The following TRIO variants were observed in gnomAD, a reference collection of about 807,000 sequenced individuals.
TRIO encodes trio Rho guanine nucleotide exchange factor, also known as triple functional domain protein.
TRIO carries 58 observed loss-of-function variants against 351.9 expected under a neutral mutation model. That is an observed-to-expected ratio of 0.16 (90% CI 0.13 to 0.21). The LOEUF (loss-of-function observed/expected upper bound fraction) is 0.21. TRIO is among the 10% of genes least tolerant of loss of function. TRIO has a pLI of 1.00. For synonymous variants in TRIO, 1,758 were observed against 1,595.7 expected (o/e 1.10, Z -2.42); for missense variants, 3,201 against 4,027.8 (o/e 0.79, Z 5.56).
At chr5:14,321,509 T>A (rs1739881605) in intron 9 of TRIO, among the ~76,000 whole-genome samples, 1 of 152,242 alleles carries the variant, frequency 6.6e-6, no homozygotes, top group Non-Finnish European at 1.5e-5. Context: ...GTATGTGTCT[T>A]TCCTCTCTGC....
chr5:14,150,483 G>T (rs1033270420), intron 1 of TRIO, among the ~76,000 whole-genome samples: 1 of 151,940 alleles, frequency 6.6e-6, no homozygotes, highest in South Asian at 2.1e-4. Context: ...ATTAAAAAAA[G>T]GCCAATAATA....
At chr5:14,362,386 C>G (rs1325814592) in intron 13 of TRIO, among the ~76,000 whole-genome samples, 1 of 152,172 alleles carries the variant, frequency 6.6e-6, no homozygotes, top group African/African-American at 2.4e-5. Flanking sequence ...TCATCGACTC[C>G]CAGCGTGTTC....
In TRIO at chr5:14,488,925, G is replaced by GT. The variant is rs558980737; in HGVS notation, c.7632+668dup. The GT allele has an allele frequency of 2.2e-4, 164 of 762,410 alleles. 1 individual carries two copies. In the African/African-American group the frequency reaches 2.4e-3, roughly 11 times the overall value. The allele number at this position is 762,410 out of a possible 1,614,324, so 47.2% of individuals were successfully genotyped here. A position where few individuals can be genotyped will look rare whatever the true frequency, so the allele number is the denominator to read the frequency against. On this transcript the variant is annotated intron_variant, in intron 48 of 56. Coordinates refer to ENST00000344204, the MANE Select transcript of TRIO (RefSeq NM_007118.4). The stretch of plus-strand genomic sequence containing the variant: ...CTGCGGCCTGCTGGGCTCTGGCCTC[G>GT]TTTGGCCCATCACTCATGCTGCCGT...
chr5:14,312,549 G>A (rs1739020940), intron 8 of TRIO, among the ~76,000 whole-genome samples: 2 of 152,108 alleles, frequency 1.3e-5, no homozygotes, highest in Non-Finnish European at 1.5e-5. Flanking sequence ...TGATCTGATC[G>A]GTTCAAAAAT....
At chr5:14,436,815 A>G (rs1751625995) in intron 34 of TRIO, among the ~76,000 whole-genome samples, 1 of 152,204 alleles carries the variant, frequency 6.6e-6, no homozygotes, top group Non-Finnish European at 1.5e-5. Context: ...GTGGGTTCCC[A>G]TGGTCTTGGA....
intron 1 of TRIO, among the ~76,000 whole-genome samples, chr5:14,265,911 C>T (rs549846775): frequency 6.6e-6 from 1 of 152,190 alleles, no homozygotes; most frequent in Admixed American, 6.5e-5. Context: ...GGCTAAACTA[C>T]CTAACATTTC....
At chr5:14,179,604 GT>G in intron 1 of TRIO, among the ~76,000 whole-genome samples, 1 of 144,182 alleles carries the variant, frequency 6.9e-6, no homozygotes, top group African/African-American at 2.8e-5. Context: ...GCCCAGCTCA[GT>G]TTTTGATTTT....
At chr5:14,277,061 T>C (rs1294894783) in intron 2 of TRIO, among the ~76,000 whole-genome samples, 1 of 152,180 alleles carries the variant, frequency 6.6e-6, no homozygotes, top group African/African-American at 2.4e-5. Flanking sequence ...TAATGTTGTG[T>C]GGAATATGGA....
rs142762511 is a variant in TRIO, at chr5:14,167,730, C to T, written c.157+23848C>T. ...TGTGAGTCAGAGGCTGGGCAAGGGC[C>T]TCTAAGGAGCTCTTGGTGCCCTTGA... On this transcript the variant is annotated intron_variant, in intron 1 of 56. Transcript: ENST00000344204. 1.6e-3 allele frequency among the ~76,000 whole-genome samples: 246 copies of T among 152,166 alleles called. 1 individual carries two copies. The highest frequency in any genetic ancestry group is 5.8e-3 in the African/African-American group (240 of 41,512).
intron 15 of TRIO, among the ~76,000 whole-genome samples, chr5:14,365,580 T>C (rs1186626072): frequency 6.6e-6 from 1 of 152,240 alleles, no homozygotes; most frequent in Non-Finnish European, 1.5e-5. Flanking sequence ...TAAATAAGTG[T>C]TGTGACCTGC....
Position 14,345,099 on chromosome 5 carries a change from A to G in TRIO, c.2046+8372A>G, listed in dbSNP as rs147201014. Among the ~76,000 whole-genome samples the G allele has an allele frequency of 2.6e-3, 390 of 152,302 alleles. 2 individuals carry two copies. The highest frequency in any genetic ancestry group is 8.3e-3 in the South Asian group (40 of 4,828). On this transcript the variant is annotated intron_variant, in intron 11 of 56. Coordinates refer to ENST00000344204, the MANE Select transcript of TRIO (RefSeq NM_007118.4). Reference sequence around the variant, plus strand: ...AGTCCTTTTATCAGAATAACTTAAAACGCTACATTTTTTTTCTGTAAGATG... The same window carrying G: ...AGTCCTTTTATCAGAATAACTTAAAGCGCTACATTTTTTTTCTGTAAGATG...
chr5:14,260,415 G>A (rs1237622074), intron 1 of TRIO, among the ~76,000 whole-genome samples: 2 of 152,182 alleles, frequency 1.3e-5, no homozygotes, highest in East Asian at 1.9e-4. Context: ...TCAGGAACAT[G>A]CCATTTAGGG....
intron 1 of TRIO, among the ~76,000 whole-genome samples, chr5:14,190,712 G>A (rs1390552211): frequency 6.6e-6 from 1 of 152,060 alleles, no homozygotes; most frequent in African/African-American, 2.4e-5. Context: ...TAGAGCTTCT[G>A]GTCCTTTGCA....
At chr5:14,471,136 T>C (rs1177421144) in intron 37 of TRIO, among the ~76,000 whole-genome samples, 182 bp from the exon 38 acceptor site, 1 of 152,190 alleles carries the variant, frequency 6.6e-6, no homozygotes, top group African/African-American at 2.4e-5. Context: ...CCTTTGACTC[T>C]ATTTTTTTAT....
intron 1 of TRIO, among the ~76,000 whole-genome samples, chr5:14,249,572 A>G (rs1480005295): frequency 2.0e-5 from 3 of 152,220 alleles, no homozygotes; most frequent in Non-Finnish European, 4.4e-5. Context: ...ACCCCTTGGC[A>G]TAAACACCTT....
At chr5:14,437,563 A>C (rs1319690969) in intron 34 of TRIO, among the ~76,000 whole-genome samples, 1 of 152,170 alleles carries the variant, frequency 6.6e-6, no homozygotes, top group Non-Finnish European at 1.5e-5. Flanking sequence ...TCAGGGTGTC[A>C]GCAGAGTAGG....
At chr5:14,274,840 C>G (rs1735358234) in intron 2 of TRIO, among the ~76,000 whole-genome samples, 1 of 152,142 alleles carries the variant, frequency 6.6e-6, no homozygotes, top group Admixed American at 6.5e-5. Flanking sequence ...CCAATGGGAG[C>G]CTCTTCAAAT....
chr5:14,369,676 C>T (rs1412082233), intron 18 of TRIO, among the ~76,000 whole-genome samples, 153 bp downstream of exon 18: 1 of 152,218 alleles, frequency 6.6e-6, no homozygotes, highest in Non-Finnish European at 1.5e-5. Context: ...GAGAAGTCAG[C>T]TGAAGAAAGA....
At chr5:14,334,129 T>C (rs1301231362) in intron 10 of TRIO, among the ~76,000 whole-genome samples, 1 of 152,206 alleles carries the variant, frequency 6.6e-6, no homozygotes, top group African/African-American at 2.4e-5. Context: ...GCCTGTGAAA[T>C]GGGAAATCAG....
Sources: gnomAD v4.1 joint callset for allele counts (sites outside exome capture counted in the v4.1 genomes callset) on GRCh38, gnomAD v4.1.1 for gene constraint, MANE v1.5 for transcripts, NCBI Gene and HGNC (gene_info 2026-07-23, HGNC 2026-07-21) for gene names.